ROBO2: variants seen among roughly 807,000 people sequenced by gnomAD.
ROBO2 encodes the protein roundabout guidance receptor 2, also known as roundabout homolog 2.
A neutral mutation model predicts 160.8 loss-of-function variants in ROBO2; 53 were observed. The ratio of observed to expected loss-of-function variants is 0.33; its 90% CI spans 0.26 to 0.41. The LOEUF is 0.41. ROBO2 is among the 10% of genes least tolerant of loss of function. ROBO2 has a pLI of 1.00. For synonymous variants in ROBO2, 664 were observed against 611.7 expected (o/e 1.09, Z -1.26); for missense variants, 1,577 against 1,722.4 (o/e 0.92, Z 1.49).
At chr3:76,993,839 C>G (rs1486049231) in intron 2 of ROBO2, among the ~76,000 whole-genome samples, 4 of 151,648 alleles carry the variant, frequency 2.6e-5, no homozygotes, top group Admixed American at 2.0e-4. Flanking sequence ...TAGAAACTAT[C>G]TATACCCATG....
intron 2 of ROBO2, among the ~76,000 whole-genome samples, chr3:76,755,166 ATAAAT>A (rs1250491022): frequency 1.3e-5 from 2 of 151,872 alleles, no homozygotes; most frequent in Non-Finnish European, 2.9e-5. Flanking sequence ...TTCCTATGTA[ATAAAT>A]TCTAATACAT....
At chr3:77,182,120 T>C (rs774650988) in intron 2 of ROBO2, among the ~76,000 whole-genome samples, 7 of 152,136 alleles carry the variant, frequency 4.6e-5, no homozygotes, top group Non-Finnish European at 1.0e-4. Flanking sequence ...ATATTTAATT[T>C]ATATTTGTCA....
chr3:76,727,499 CTAATG>C (rs2093570913), intron 2 of ROBO2, among the ~76,000 whole-genome samples: 1 of 151,978 alleles, frequency 6.6e-6, no homozygotes, highest in African/African-American at 2.4e-5. Flanking sequence ...GTATTAGACT[CTAATG>C]TACTGAGAAT....
chr3:77,332,895 C>T (rs929365568), intron 2 of ROBO2, among the ~76,000 whole-genome samples: 8 of 152,104 alleles, frequency 5.3e-5, no homozygotes, highest in Admixed American at 1.3e-4. Context: ...AAACAGAGAG[C>T]GCTAGAGCGA....
chr3:75,992,840 G>A (rs1311602755), intron 2 of ROBO2, among the ~76,000 whole-genome samples: 4 of 152,206 alleles, frequency 2.6e-5, no homozygotes, highest in Non-Finnish European at 5.9e-5. Context: ...GACATGGATG[G>A]GAGACATGAA....
chr3:76,812,399 A>G (rs1430870427), intron 2 of ROBO2, among the ~76,000 whole-genome samples: 1 of 150,498 alleles, frequency 6.6e-6, no homozygotes, highest in Non-Finnish European at 1.5e-5. Flanking sequence ...CCCAAAGACC[A>G]TGAGTATTTG....
At chr3:77,291,058 G>T (rs1315830762) in intron 2 of ROBO2, among the ~76,000 whole-genome samples, 4 of 150,620 alleles carry the variant, frequency 2.7e-5, no homozygotes, top group Non-Finnish European at 1.5e-5. Context: ...AGTAAGCTGA[G>T]GCTAGATCAC....
intron 2 of ROBO2, among the ~76,000 whole-genome samples, chr3:76,227,437 C>T (rs890336979): frequency 6.6e-6 from 1 of 152,116 alleles, no homozygotes; most frequent in East Asian, 1.9e-4. Flanking sequence ...GATTATGACT[C>T]TACATACTTT....
intron 2 of ROBO2, among the ~76,000 whole-genome samples, chr3:77,252,784 G>A (rs2090483795): frequency 1.0e-5 from 1 of 95,734 alleles, no homozygotes; most frequent in Non-Finnish European, 2.1e-5. Flanking sequence ...CTCCAGCCTG[G>A]GCAGCAGAGC....
intron 2 of ROBO2, among the ~76,000 whole-genome samples, chr3:76,006,934 A>T (rs946719656): frequency 6.6e-6 from 1 of 152,156 alleles, no homozygotes; most frequent in East Asian, 1.9e-4. Context: ...TTTCTTTTTT[A>T]AAAAATATAA....
At chr3:76,538,190 T>G (rs1467371377) in intron 2 of ROBO2, among the ~76,000 whole-genome samples, 1 of 144,852 alleles carries the variant, frequency 6.9e-6, no homozygotes, top group African/African-American at 2.7e-5. Context: ...CACACCATAT[T>G]CATACACATG....
At chr3:76,609,631 G>GA (rs2087930962) in intron 2 of ROBO2, among the ~76,000 whole-genome samples, 1 of 151,856 alleles carries the variant, frequency 6.6e-6, no homozygotes, top group African/African-American at 2.4e-5. Flanking sequence ...AAATCTTTGG[G>GA]TTTTTCCCAA....
chr3:76,537,495 G>A (rs1427813446), intron 2 of ROBO2, among the ~76,000 whole-genome samples: 5 of 152,042 alleles, frequency 3.3e-5, no homozygotes, highest in Non-Finnish European at 7.4e-5. Context: ...AGAGACTGAA[G>A]GGTAGCGAGA....
chr3:76,982,354 T>G (rs570383659), intron 2 of ROBO2, among the ~76,000 whole-genome samples: 113 of 152,344 alleles, frequency 7.4e-4, no homozygotes, highest in African/African-American at 2.6e-3. Context: ...TCAAATACTA[T>G]TGCACCATTG....
intron 2 of ROBO2, among the ~76,000 whole-genome samples, chr3:76,170,880 T>C (rs960996476): frequency 3.3e-5 from 5 of 152,202 alleles, no homozygotes; most frequent in African/African-American, 1.2e-4. Flanking sequence ...AATTAGTATG[T>C]GGCTATTCTA....
intron 2 of ROBO2, among the ~76,000 whole-genome samples, chr3:77,277,165 T>C (rs7631926): frequency 0.14 from 8,731 of 62,642 alleles, 319 homozygotes; most frequent in Non-Finnish European, 0.2. Flanking sequence ...TCCTTCTTTC[T>C]TTCTTTCTTT....
chr3:76,310,296 AC>A (rs1363236791), intron 2 of ROBO2, among the ~76,000 whole-genome samples: 1 of 152,214 alleles, frequency 6.6e-6, no homozygotes, highest in Non-Finnish European at 1.5e-5. Context: ...ATGTACACAA[AC>A]AAATAAAAAT....
chr3:76,084,899 TA>T (rs1201980644), intron 2 of ROBO2, among the ~76,000 whole-genome samples: 1 of 152,038 alleles, frequency 6.6e-6, no homozygotes, highest in East Asian at 1.9e-4. Flanking sequence ...AGTAAATTAA[TA>T]AAATAAAATG....
intron 2 of ROBO2, among the ~76,000 whole-genome samples, chr3:76,517,170 C>T (rs764159738): frequency 6.6e-6 from 1 of 152,042 alleles, no homozygotes; most frequent in African/African-American, 2.4e-5. Flanking sequence ...GACATGCGTG[C>T]ATGTGAATAT....
Sources: allele counts gnomAD v4.1 joint callset (sites outside exome capture counted in the v4.1 genomes callset), GRCh38; gene constraint gnomAD v4.1.1; transcripts MANE v1.5; gene names NCBI Gene and HGNC (gene_info 2026-07-23, HGNC 2026-07-21).